B3GNT2: variants seen among roughly 807,000 people sequenced by gnomAD.
The protein encoded by B3GNT2 is UDP-GlcNAc:betaGal beta-1,3-N-acetylglucosaminyltransferase 2.
B3GNT2 carries 12 observed loss-of-function variants against 27.6 expected under a neutral mutation model. That is an observed-to-expected ratio of 0.44 (90% CI 0.28 to 0.71). B3GNT2 has a LOEUF of 0.71. Ranked by LOEUF, B3GNT2 falls within the 30% of genes least tolerant of loss-of-function variation. B3GNT2 has a pLI of 0.17. For synonymous variants in B3GNT2, 192 were observed against 189.7 expected, an observed-to-expected ratio of 1.01 and a Z score of -0.10; for missense variants, 413 against 488.5, an observed-to-expected ratio of 0.85 and a Z score of 1.46.
chr2:62,201,862 A>G (rs1674271621), intron 1 of B3GNT2, among the ~76,000 whole-genome samples: 1 of 152,186 alleles, frequency 6.6e-6, no homozygotes, highest in South Asian at 2.1e-4. Context: ...ATTTAAAACA[A>G]AATATGGGCC....
chr2:62,222,154 G>C lies in B3GNT2; in HGVS notation c.-9-58G>C. On this transcript the variant is annotated intron_variant, in intron 1 of 1. Coordinates refer to ENST00000301998, the MANE Select transcript of B3GNT2 (RefSeq NM_006577.6). This position sits in a 1 kb window ranked among gnomAD's most constrained non-coding sequence, Gnocchi z 4.2. ...CCTGGGGAGACAGGTAAAATAAATT[G>C]TATGTGCAAATGCAAATTGATAAGT... The C allele has an allele frequency of 1.4e-6, 2 of 1,413,556 alleles. No individual in the cohort carries two copies. Among genetic ancestry groups the C allele is most frequent in the Non-Finnish European group, 1.9e-6 (2 of 1,040,344 alleles). The allele number at this position is 1,413,556 out of a possible 1,614,324, so 87.6% of individuals were successfully genotyped here.
At chr2:62,221,009 C>A (rs561121215) in intron 1 of B3GNT2, among the ~76,000 whole-genome samples, 42 of 152,174 alleles carry the variant, frequency 2.8e-4, no homozygotes, top group Admixed American at 5.2e-4. Flanking sequence ...ATATACACTT[C>A]AGGTTTGACA....
chr2:62,222,861 G>A lies in B3GNT2; in HGVS notation c.641G>A (p.Arg214Lys). 6.2e-7 allele frequency: 1 copy of A among 1,614,180 alleles called. No homozygotes were observed. The highest frequency in any genetic ancestry group is 8.5e-7 in the Non-Finnish European group (1 of 1,180,026). Reference sequence around the variant, plus strand: ...CAAGACATTCTTATGTGGAACTACAGAGACACTTTCTTCAACTTGTCTCTG... The same window carrying A: ...CAAGACATTCTTATGTGGAACTACAAAGACACTTTCTTCAACTTGTCTCTG... ...KHQDILMWNY[R>K]DTFFNLSLKE... The change falls in exon 2 of 2, where the codon AGA (arginine) becomes AAA (lysine). Residue 214 changes from arginine (R) to lysine (K), a missense_variant. Arg to Lys is a conservative substitution (Grantham distance 26, BLOSUM62 2). Coordinates refer to ENST00000301998, the MANE Select transcript of B3GNT2 (RefSeq NM_006577.6). This position sits in a 1 kb window ranked among gnomAD's most constrained non-coding sequence, Gnocchi z 4.2.
intron 1 of B3GNT2, among the ~76,000 whole-genome samples, chr2:62,207,212 C>T (rs1674391700): frequency 6.6e-6 from 1 of 151,874 alleles, no homozygotes; most frequent in Non-Finnish European, 1.5e-5. Context: ...CAGGGTCTCA[C>T]TCTGTCGCTC....
At position 62,222,227 on chromosome 2, in the gene B3GNT2, G is replaced by A. The variant is rs766920482; in HGVS notation, c.7G>A (p.Val3Ile). Residue 3 changes from valine to isoleucine, a missense_variant, in exon 2 of 2, where the codon GTT becomes ATT. Transcript: ENST00000301998. The surrounding 1 kb of genome is among the most constrained non-coding windows in gnomAD (Gnocchi z 4.2). ...TTTATTCCAGATATGAGAAATGAGT[G>A]TTGGACGTCGAAGAATAAAGTTGTT... MS[V>I]GRRRIKLLGI... The A allele has an allele frequency of 6.2e-7, 1 of 1,600,738 alleles. No individual in the cohort carries two copies. The highest frequency in any genetic ancestry group is 8.5e-7 in the Non-Finnish European group (1 of 1,174,288).
rs371634614 is a variant in B3GNT2, at chr2:62,217,224, G to A, written c.-9-4988G>A. On this transcript the variant is annotated intron_variant, in intron 1 of 1. Coordinates refer to ENST00000301998, the MANE Select transcript of B3GNT2 (RefSeq NM_006577.6). ...AGACACAAATCCCTTCAGTTCCTGC[G>A]GTCATAACCATACGCAGCAGCGTTT... 1.8e-4 allele frequency among the ~76,000 whole-genome samples: 28 copies of A among 152,248 alleles called. No homozygotes were observed. In the South Asian group the frequency reaches 5.2e-3, roughly 28 times the overall value.
Position 62,216,311 on chromosome 2 carries a change from CT to C in B3GNT2, c.-9-5898del, listed in dbSNP as rs537326315. Among the ~76,000 whole-genome samples, 100 of 152,042 alleles carry C rather than the reference CT, an allele frequency of 6.6e-4. 1 individual carries two copies. The highest frequency in any genetic ancestry group is 2.4e-3 in the African/African-American group (99 of 41,450). On this transcript the variant is annotated intron_variant, in intron 1 of 1. Coordinates refer to ENST00000301998, the MANE Select transcript of B3GNT2 (RefSeq NM_006577.6). Reference sequence around the variant, plus strand: ...GCTAAGTAGGTATTGAAGACCTTTGCTTTGGTCAGAGTGAAACCAGCTGAAG... The same window carrying C: ...GCTAAGTAGGTATTGAAGACCTTTGCTTGGTCAGAGTGAAACCAGCTGAAG...
chr2:62,215,234 G>A (rs994233453), intron 1 of B3GNT2, among the ~76,000 whole-genome samples: 1 of 152,266 alleles, frequency 6.6e-6, no homozygotes, highest in South Asian at 2.1e-4. Context: ...AAAAGTAATG[G>A]CTGGGAACCA....
intron 1 of B3GNT2, among the ~76,000 whole-genome samples, chr2:62,206,483 G>GTCCTTGATACCTTTA (rs1350803860): frequency 1.3e-5 from 2 of 152,200 alleles, no homozygotes; most frequent in Admixed American, 1.3e-4. Context: ...TATAAGGAGT[G>GTCCTTGATACCTTTA]TCCTTGATAC....
chr2:62,206,862 T>C (rs1674385454), intron 1 of B3GNT2, among the ~76,000 whole-genome samples: 1 of 152,260 alleles, frequency 6.6e-6, no homozygotes, highest in African/African-American at 2.4e-5. Flanking sequence ...AGTACCTCAC[T>C]TTCTGGTGTC....
Position 62,222,644 on chromosome 2 carries a change from C to A in B3GNT2, c.424C>A (p.Pro142Thr), listed in dbSNP as rs1227865092. 2 of 1,614,210 alleles carry A rather than the reference C, an allele frequency of 1.2e-6. No homozygotes were observed. Among genetic ancestry groups the A allele is most frequent in the African/African-American group, 2.7e-5 (2 of 75,040 alleles). Residue 142 changes from proline (P) to threonine (T), a missense_variant, in exon 2 of 2, where the codon CCT (proline) becomes ACT (threonine). Pro to Thr is a conservative substitution (Grantham distance 38). Transcript: ENST00000301998. This position sits in a 1 kb window ranked among gnomAD's most constrained non-coding sequence, Gnocchi z 4.2. ...IDQPDKCAKK[P>T]FLLLAIKSLT... The stretch of plus-strand genomic sequence containing the variant: ...TCAGCCGGATAAGTGTGCAAAGAAA[C>A]CTTTCTTGTTGCTGGCGATTAAGTC...
intron 1 of B3GNT2, among the ~76,000 whole-genome samples, chr2:62,210,117 C>A (rs1401049945): frequency 6.6e-6 from 1 of 152,208 alleles, no homozygotes; most frequent in Non-Finnish European, 1.5e-5. Flanking sequence ...TGGTTTACAT[C>A]TTCCTGGATG....
chr2:62,224,222 G>A lies in B3GNT2; in HGVS notation c.*808G>A, dbSNP rs954416102. The A allele has an allele frequency of 4.2e-5, 7 of 167,062 alleles. No individual in the cohort carries two copies. The highest frequency in any genetic ancestry group is 1.3e-4 in the Admixed American group (2 of 15,276). The allele number at this position is 167,062 out of a possible 1,614,324, so 10.3% of individuals were successfully genotyped here. On this transcript the variant is annotated 3_prime_UTR_variant, in exon 2 of 2. Transcript: ENST00000301998. ...TGAATTTTCAATATGGACCAGGAAG[G>A]CATATGTATTTTGAACTTGAGTGAA...
intron 1 of B3GNT2, among the ~76,000 whole-genome samples, chr2:62,219,915 T>G (rs988328606): frequency 6.6e-6 from 1 of 152,104 alleles, no homozygotes; most frequent in African/African-American, 2.4e-5. Flanking sequence ...GGGGGAGTCA[T>G]GAGTCTCTAG....
At chr2:62,205,444 T>G (rs956618657) in intron 1 of B3GNT2, among the ~76,000 whole-genome samples, 2 of 152,202 alleles carry the variant, frequency 1.3e-5, no homozygotes, top group Non-Finnish European at 2.9e-5. Context: ...TATTTTAAAA[T>G]GTATATGGTT....
intron 1 of B3GNT2, among the ~76,000 whole-genome samples, chr2:62,196,600 C>T (rs1336810327): frequency 2.0e-5 from 3 of 152,260 alleles, no homozygotes; most frequent in African/African-American, 7.2e-5. Context: ...AGCCACCCAA[C>T]CTCAGCCCAG....
rs202087907 is a variant in B3GNT2 at position 62,222,631 on chromosome 2, G to C, written c.411G>C (p.Lys137Asn). 1 of 1,614,232 alleles carries C rather than the reference G, an allele frequency of 6.2e-7. No individual in the cohort carries two copies. The highest frequency in any genetic ancestry group is 1.7e-5 in the Admixed American group (1 of 60,026). ...CACTGCTTATAGATCAGCCGGATAA[G>C]TGTGCAAAGAAACCTTTCTTGTTGC... The part of the protein sequence containing the change: ...NYSLLIDQPD[K>N]CAKKPFLLLA... The change falls in exon 2 of 2, where the codon AAG becomes AAC. Residue 137 changes from lysine (K) to asparagine (N), a missense_variant. Transcript: ENST00000301998. The surrounding 1 kb of genome is among the most constrained non-coding windows in gnomAD (Gnocchi z 4.2).
At chr2:62,204,150 C>G (rs1164696456) in intron 1 of B3GNT2, among the ~76,000 whole-genome samples, 1 of 152,168 alleles carries the variant, frequency 6.6e-6, no homozygotes, top group African/African-American at 2.4e-5. Flanking sequence ...CCTCAGTCTC[C>G]TGAGTAGCTG....
At position 62,223,042 on chromosome 2, in the gene B3GNT2, T is replaced by C. The variant is rs780610478; in HGVS notation, c.822T>C (p.Asp274=). ...AAGCCAAAGATCTCTTCATAGGTGA[T>C]GTGATCCACAATGCTGGACCTCATC... is the stretch of plus-strand genomic sequence containing the variant. ...KTKAKDLFIG[D]VIHNAGPHRD... is the part of the protein sequence containing the mutation. Residue 274 remains aspartate (D), a synonymous_variant, in exon 2 of 2, where the codon GAT becomes GAC. Transcript: ENST00000301998. 214 of 1,614,126 alleles carry C rather than the reference T, an allele frequency of 1.3e-4. No homozygotes were observed. The highest frequency in any genetic ancestry group is 1.7e-4 in the Non-Finnish European group (201 of 1,180,046).
Sources: gnomAD v4.1 joint callset for allele counts (sites outside exome capture counted in the v4.1 genomes callset) on GRCh38, gnomAD v4.1.1 for gene constraint, Gnocchi (gnomAD v3.1) non-coding constraint, MANE v1.5 for transcripts, NCBI Gene and HGNC (gene_info 2026-07-23, HGNC 2026-07-21) for gene names.